Variants in YWHAE observed in about 807,000 individuals in gnomAD.
YWHAE encodes 14-3-3 protein epsilon.
Under a neutral mutation model 30.1 loss-of-function variants are expected in YWHAE, and 4 were observed. The ratio of observed to expected loss-of-function variants is 0.13; its 90% CI spans 0.07 to 0.30. YWHAE has a LOEUF of 0.30. Ranked by LOEUF, YWHAE falls within the 10% of genes least tolerant of loss-of-function variation. The pLI is 1.00. For synonymous variants in YWHAE, 118 were observed against 111.8 expected, an observed-to-expected ratio of 1.06 and a Z score of -0.35; for missense variants, 121 against 315.9, an observed-to-expected ratio of 0.38 and a Z score of 4.68.
intron 4 of YWHAE, among the ~76,000 whole-genome samples, chr17:1,358,988 T>C (rs1183080365): frequency 6.6e-6 from 1 of 151,398 alleles, no homozygotes; most frequent in Non-Finnish European, 1.5e-5. Flanking sequence ...TACAAAAAAT[T>C]AGCCAGGCAT....
At chr17:1,385,144 C>CAAAAAA (rs56023639) in intron 1 of YWHAE, among the ~76,000 whole-genome samples, 1 of 86,802 alleles carries the variant, frequency 1.2e-5, no homozygotes, top group Admixed American at 1.4e-4. Context: ...GACTCTGTCT[C>CAAAAAA]AAAAAAAAAA....
intron 4 of YWHAE, among the ~76,000 whole-genome samples, chr17:1,358,540 A>C (rs1197416601): frequency 1.4e-5 from 2 of 145,626 alleles, no homozygotes; most frequent in Admixed American, 6.8e-5. Flanking sequence ...CACGCAGCCC[A>C]AAAAAAATTT....
chr17:1,355,156 T>TA (rs1567958143), intron 4 of YWHAE, among the ~76,000 whole-genome samples: 2 of 24,954 alleles, frequency 8.0e-5, no homozygotes, highest in Non-Finnish European at 1.6e-4. Context: ...AAATTTTTTT[T>TA]TTTTTTTTTT....
At chr17:1,376,374 C>CAGAA (rs924865900) in intron 1 of YWHAE, among the ~76,000 whole-genome samples, 10 of 77,006 alleles carry the variant, frequency 1.3e-4, no homozygotes, top group East Asian at 4.2e-4. Context: ...GACAGACAGA[C>CAGAA]AGAAAGAAAG....
At chr17:1,398,241 G>A (rs2073503501) in intron 1 of YWHAE, among the ~76,000 whole-genome samples, 1 of 152,050 alleles carries the variant, frequency 6.6e-6, no homozygotes, top group African/African-American at 2.4e-5. Context: ...GGGCGGAGGA[G>A]GAGACTTCCA....
intron 2 of YWHAE, among the ~76,000 whole-genome samples, chr17:1,364,112 G>T (rs1229029976): frequency 1.3e-5 from 2 of 150,792 alleles, no homozygotes; most frequent in African/African-American, 4.9e-5. Context: ...CCTACAATAA[G>T]AAACATTTTA....
chr17:1,354,149 A>G lies in YWHAE; in HGVS notation c.715+62T>C, dbSNP rs2072688197. On this transcript the variant is annotated intron_variant, in intron 5 of 5. Coordinates refer to ENST00000264335, the MANE Select transcript of YWHAE (RefSeq NM_006761.5). The stretch of plus-strand genomic sequence containing the variant: ...ATAACGACAAGCCAAGGAATGTCTA[A>G]AGAGAGTACAAACAAATCCTGCAAC... 12 of 1,582,828 alleles carry G rather than the reference A, an allele frequency of 7.6e-6. No homozygotes were observed. The South Asian group carries it at 1.3e-4, about 17-fold the overall frequency.
chr17:1,370,327 T>C (rs762929038), intron 1 of YWHAE, among the ~76,000 whole-genome samples: 1 of 151,610 alleles, frequency 6.6e-6, no homozygotes, highest in Non-Finnish European at 1.5e-5. Context: ...GAGGCGGGGT[T>C]TCACCATGTT....
chr17:1,397,541 T>C (rs12947461), intron 1 of YWHAE, among the ~76,000 whole-genome samples: 14,103 of 151,862 alleles, frequency 0.093, 904 homozygotes, highest in Non-Finnish European at 0.14. Flanking sequence ...GCAAGCAAAA[T>C]AAAATAAGCC....
intron 1 of YWHAE, among the ~76,000 whole-genome samples, chr17:1,385,053 G>A (rs1383953268): frequency 1.3e-5 from 2 of 149,948 alleles, no homozygotes; most frequent in Non-Finnish European, 2.9e-5. Context: ...CTGCCTTGCA[G>A]TGGCTATTCA....
Position 1,345,424 on chromosome 17 carries a change from GGT to G in YWHAE, c.*21_*22del, listed in dbSNP as rs755827589. On this transcript the variant is annotated 3_prime_UTR_variant, in exon 6 of 6. Coordinates refer to ENST00000264335, the MANE Select transcript of YWHAE (RefSeq NM_006761.5). ...TGGGGAGGAGGGGGTGGTCAGAGATGGTTTCTCTTGTTGGCTTATGTCTCACT... is the reference window on the plus strand; with the variant it reads ...TGGGGAGGAGGGGGTGGTCAGAGATGTTCTCTTGTTGGCTTATGTCTCACT... 1.9e-6 allele frequency: 3 copies of G among 1,613,246 alleles called. No homozygotes were observed. In the African/African-American group the frequency reaches 4.0e-5, roughly 22 times the overall value.
chr17:1,394,803 C>T (rs1390686908), intron 1 of YWHAE, among the ~76,000 whole-genome samples: 1 of 150,682 alleles, frequency 6.6e-6, no homozygotes, highest in African/African-American at 2.4e-5. Context: ...CCCATCTCTA[C>T]TAAAAATACA....
intron 4 of YWHAE, 117 bp downstream of exon 4, chr17:1,360,975 A>C (rs1026230010): frequency 2.1e-6 from 2 of 938,958 alleles, no homozygotes; most frequent in African/African-American, 3.3e-5. Context: ...GTAAGAGCCA[A>C]AAGAATTACT....
intron 2 of YWHAE, among the ~76,000 whole-genome samples, chr17:1,364,255 C>T (rs541668356): frequency 9.3e-5 from 14 of 150,310 alleles, no homozygotes; most frequent in South Asian, 4.2e-4. Flanking sequence ...GATGGAGTCT[C>T]GCGCTCTGTC....
At chr17:1,361,821 G>T in intron 3 of YWHAE, 81 bp downstream of exon 3, 1 of 848,312 alleles carries the variant, frequency 1.2e-6, no homozygotes, top group South Asian at 2.3e-5. Flanking sequence ...AATAAAAGTT[G>T]AAAACCTACA....
rs779336185 is a variant in YWHAE, at chr17:1,345,071, CCTCT to C, written c.*372_*375del. 50 of 280,924 alleles carry C rather than the reference CCTCT, an allele frequency of 1.8e-4. No individual in the cohort carries two copies. Among genetic ancestry groups the C allele is most frequent in the Admixed American group, 3.9e-4 (8 of 20,622 alleles). The allele number at this position is 280,924 out of a possible 1,614,324, so 17.4% of individuals were successfully genotyped here. On this transcript the variant is annotated 3_prime_UTR_variant, in exon 6 of 6. Transcript: ENST00000264335. ...ACTTATGCCTCTATAGTGTGATTAA[CCTCT>C]CTCTTAGATGCTTGCATCACCTATA...
intron 1 of YWHAE, among the ~76,000 whole-genome samples, chr17:1,373,442 G>A (rs1598254211): frequency 6.6e-6 from 1 of 152,016 alleles, no homozygotes; most frequent in Non-Finnish European, 1.5e-5. Context: ...AAGAAGGGTA[G>A]ATCACAAGGT....
rs544115909 is a variant in YWHAE at position 1,394,436 on chromosome 17, C to CAAA, written c.64+5608_64+5610dup. ...GGGCAACATAGAGACCTCAAATCCA[C>CAAA]AAAAAAAAAAAAAAAAAAAAAAAAA... On this transcript the variant is annotated intron_variant, in intron 1 of 5. Coordinates refer to ENST00000264335, the MANE Select transcript of YWHAE (RefSeq NM_006761.5). Among the ~76,000 whole-genome samples, 283 of 58,156 alleles carry CAAA rather than the reference C, an allele frequency of 4.9e-3. 3 individuals carry two copies. The highest frequency in any genetic ancestry group is 0.013 in the East Asian group (25 of 1,902). 38.2% of individuals were successfully genotyped at this position (58,156 alleles called of 152,430 possible). A position where few individuals can be genotyped will look rare whatever the true frequency, so the allele number is the denominator to read the frequency against.
chr17:1,358,655 GTC>G (rs1244701106), intron 4 of YWHAE, among the ~76,000 whole-genome samples: 4 of 151,686 alleles, frequency 2.6e-5, no homozygotes, highest in African/African-American at 9.7e-5. Flanking sequence ...GTGAAACCTC[GTC>G]TCTACTAAAA....
Sources: allele counts gnomAD v4.1 joint callset (sites outside exome capture counted in the v4.1 genomes callset), GRCh38; gene constraint gnomAD v4.1.1; transcripts MANE v1.5; gene names NCBI Gene and HGNC (gene_info 2026-07-23, HGNC 2026-07-21).